EYS: variants seen among roughly 807,000 people sequenced by gnomAD.
EYS encodes the protein protein eyes shut homolog.
A neutral mutation model predicts 282.1 loss-of-function variants in EYS; 250 were observed. That is an observed-to-expected ratio of 0.89 (90% CI 0.80 to 0.98). The LOEUF (loss-of-function observed/expected upper bound fraction) is 0.98. Among genes scored for constraint, EYS ranks in the 50% least tolerant of loss-of-function variants. The pLI, the probability that EYS is intolerant of heterozygous loss-of-function variation, is 0.00. For missense variants in EYS, 4,016 were observed against 3,709.0 expected (o/e 1.08, Z -2.15); for synonymous variants, 1,355 against 1,282.9 (o/e 1.06, Z -1.20).
chr6:64,922,114 T>C (rs1302595342), intron 15 of EYS, among the ~76,000 whole-genome samples: 1 of 152,234 alleles, frequency 6.6e-6, no homozygotes, highest in East Asian at 1.9e-4. Context: ...TCAGCAGTCC[T>C]GTTGCTACTG....
intron 29 of EYS, among the ~76,000 whole-genome samples, chr6:64,318,392 A>G (rs1770063678): frequency 6.6e-6 from 1 of 152,122 alleles, no homozygotes; most frequent in Non-Finnish European, 1.5e-5. Context: ...CATATTAATA[A>G]TCAGTAGTAG....
chr6:65,357,158 G>A (rs1205949628), intron 8 of EYS, among the ~76,000 whole-genome samples: 2 of 152,018 alleles, frequency 1.3e-5, no homozygotes, highest in East Asian at 3.9e-4. Flanking sequence ...CATTTCTGTA[G>A]AGGTTCAACA....
At chr6:63,925,244 C>T (rs1350086009) in intron 35 of EYS, among the ~76,000 whole-genome samples, 3 of 152,114 alleles carry the variant, frequency 2.0e-5, no homozygotes, top group African/African-American at 7.2e-5. Context: ...TGTACATTTC[C>T]AGACAAAATG....
At chr6:64,393,493 A>G (rs992351339) in intron 28 of EYS, among the ~76,000 whole-genome samples, 6 of 152,198 alleles carry the variant, frequency 3.9e-5, no homozygotes, top group African/African-American at 1.4e-4. Context: ...AAATCAATAA[A>G]TGTAATCCAG....
intron 1 of EYS, among the ~76,000 whole-genome samples, chr6:65,667,335 TA>T (rs1348359619): frequency 4.0e-5 from 6 of 151,898 alleles, no homozygotes; most frequent in Admixed American, 3.9e-4. Context: ...GTTCCTTGCC[TA>T]ATGCTCTCAC....
At chr6:64,628,197 G>A (rs1767670696) in intron 22 of EYS, among the ~76,000 whole-genome samples, 1 of 151,480 alleles carries the variant, frequency 6.6e-6, no homozygotes. Flanking sequence ...AATTCCCACT[G>A]CCACAGTCAA....
At chr6:65,112,410 C>T (rs1469803984) in intron 12 of EYS, among the ~76,000 whole-genome samples, 1 of 151,836 alleles carries the variant, frequency 6.6e-6, no homozygotes, top group Non-Finnish European at 1.5e-5. Context: ...GCGACCATGG[C>T]CTAAGCTTGT....
In EYS at chr6:63,761,095, C is replaced by T. The variant is rs568327918; in HGVS notation, c.8071+1366G>A. Among the ~76,000 whole-genome samples the T allele has an allele frequency of 1.8e-4, 26 of 147,258 alleles. 1 individual carries two copies. The South Asian group carries it at 5.4e-3, about 30-fold the overall frequency. ...CACTATATGATGGATGCTAGATACT[C>T]AACAGACATGGTCACTGCCCTCAGT... On this transcript the variant is annotated intron_variant, in intron 41 of 42. Transcript: ENST00000503581.
At chr6:65,307,916 C>T (rs1245996929) in intron 11 of EYS, among the ~76,000 whole-genome samples, 1 of 148,994 alleles carries the variant, frequency 6.7e-6, no homozygotes, top group Non-Finnish European at 1.5e-5. Flanking sequence ...CCCCACTCTC[C>T]CACTTCTATG....
chr6:64,201,401 G>T (rs928278862), intron 31 of EYS, among the ~76,000 whole-genome samples: 1 of 152,090 alleles, frequency 6.6e-6, no homozygotes. Context: ...GGCTAATGGA[G>T]CTTTAAATAA....
At chr6:64,343,505 C>G (rs1434329367) in intron 29 of EYS, among the ~76,000 whole-genome samples, 2 of 152,018 alleles carry the variant, frequency 1.3e-5, no homozygotes. Flanking sequence ...TTCTTTGAAA[C>G]CAACGAGAAC....
At chr6:65,686,499 T>A (rs189143937) in intron 1 of EYS, among the ~76,000 whole-genome samples, 70 of 152,242 alleles carry the variant, frequency 4.6e-4, no homozygotes, top group African/African-American at 1.7e-3. Context: ...CGTGTATGCT[T>A]CTGTGCTTGT....
chr6:63,847,979 C>T (rs968795801), intron 36 of EYS, among the ~76,000 whole-genome samples: 9 of 152,072 alleles, frequency 5.9e-5, no homozygotes, highest in African/African-American at 2.2e-4. Flanking sequence ...CAAAACAAAC[C>T]GAGTGATATA....
At chr6:64,541,711 A>G (rs571574391) in intron 26 of EYS, among the ~76,000 whole-genome samples, 52 of 152,198 alleles carry the variant, frequency 3.4e-4, no homozygotes, top group African/African-American at 1.2e-3. Flanking sequence ...TCTGCTATTT[A>G]TTACCATGTG....
intron 2 of EYS, among the ~76,000 whole-genome samples, chr6:65,553,993 C>T (rs1042413557): frequency 6.6e-6 from 1 of 152,054 alleles, no homozygotes; most frequent in Non-Finnish European, 1.5e-5. Flanking sequence ...GGAAGTGGTA[C>T]CTTTGAGAGG....
intron 2 of EYS, among the ~76,000 whole-genome samples, chr6:65,523,746 T>C (rs1336327793): frequency 1.3e-5 from 2 of 152,194 alleles, no homozygotes; most frequent in African/African-American, 2.4e-5. Flanking sequence ...GTGGAAATTA[T>C]ATAGCTACAT....
At chr6:65,424,149 A>G (rs1251733402) in intron 5 of EYS, among the ~76,000 whole-genome samples, 1 of 151,976 alleles carries the variant, frequency 6.6e-6, no homozygotes, top group Non-Finnish European at 1.5e-5. Flanking sequence ...TTTTCTATAC[A>G]TTCGAAGTTT....
intron 40 of EYS, among the ~76,000 whole-genome samples, chr6:63,776,530 G>A (rs949888796): frequency 3.3e-5 from 5 of 152,068 alleles, no homozygotes; most frequent in Admixed American, 1.3e-4. Flanking sequence ...TTTTAGTGAG[G>A]AGCAATGGAA....
At chr6:65,401,845 T>C (rs1233869713) in intron 7 of EYS, among the ~76,000 whole-genome samples, 1 of 151,846 alleles carries the variant, frequency 6.6e-6, no homozygotes, top group Non-Finnish European at 1.5e-5. Context: ...CAGAATTTAC[T>C]TGAAGCAGTC....
Sources: gnomAD v4.1 joint callset for allele counts (sites outside exome capture counted in the v4.1 genomes callset) on GRCh38, gnomAD v4.1.1 for gene constraint, MANE v1.5 for transcripts, NCBI Gene and HGNC (gene_info 2026-07-23, HGNC 2026-07-21) for gene names.